SPATA6: variants seen among roughly 807,000 people sequenced by gnomAD.
SPATA6 encodes the protein spermatogenesis associated 6.
SPATA6 carries 56 observed loss-of-function variants against 65.3 expected under a neutral mutation model. That is an observed-to-expected ratio of 0.86 (90% confidence interval 0.69 to 1.07). The LOEUF (loss-of-function observed/expected upper bound fraction) is 1.07, where lower values mean the gene tolerates loss of function less well. Among genes scored for constraint, SPATA6 ranks in the 50% least tolerant of loss-of-function variants. The probability of loss-of-function intolerance (pLI) is 0.00; values close to 1 mark genes in which losing one functional copy is unlikely to be tolerated. For synonymous variants in SPATA6, 199 were observed against 213.2 expected (o/e 0.93, Z 0.58); for missense variants, 590 against 594.8 (o/e 0.99, Z 0.08).
intron 1 of SPATA6, among the ~76,000 whole-genome samples, chr1:48,465,925 ACTG>A (rs1323566371): frequency 6.6e-6 from 1 of 152,194 alleles, no homozygotes; most frequent in African/African-American, 2.4e-5. Context: ...TTGATTATCA[ACTG>A]CTATTATGTT....
chr1:48,314,502 A>C (rs1165719181), intron 11 of SPATA6, among the ~76,000 whole-genome samples: 1 of 152,232 alleles, frequency 6.6e-6, no homozygotes, highest in Non-Finnish European at 1.5e-5. Flanking sequence ...ATAAGAACAA[A>C]GACACAACAT....
At chr1:48,428,584 G>A (rs1248785827) in intron 3 of SPATA6, among the ~76,000 whole-genome samples, 3 of 152,124 alleles carry the variant, frequency 2.0e-5, no homozygotes, top group Admixed American at 6.6e-5. Flanking sequence ...TATTTATTAA[G>A]TGGAAATATG....
At chr1:48,313,993 A>G (rs940402418) in intron 11 of SPATA6, among the ~76,000 whole-genome samples, 3 of 152,252 alleles carry the variant, frequency 2.0e-5, no homozygotes, top group Non-Finnish European at 4.4e-5. Context: ...AGAGCTAACT[A>G]TCCTAAATAC....
chr1:48,421,353 T>A (rs1410394956), intron 3 of SPATA6, among the ~76,000 whole-genome samples: 1 of 151,302 alleles, frequency 6.6e-6, no homozygotes, highest in Non-Finnish European at 1.5e-5. Flanking sequence ...AAATAAAACT[T>A]GAAAAAAAAA....
chr1:48,277,003 G>A, the SPATA6 span, among the ~76,000 whole-genome samples: 28 of 151,338 alleles, frequency 1.9e-4, no homozygotes, highest in Non-Finnish European at 3.1e-4. Context: ...TATGAATCTC[G>A]GTGCTCCTTT....
chr1:48,385,753 G>T (rs1175783687), intron 8 of SPATA6, among the ~76,000 whole-genome samples: 1 of 152,140 alleles, frequency 6.6e-6, no homozygotes, highest in Non-Finnish European at 1.5e-5. Context: ...CTAGATTCAG[G>T]TGTAAAGAAA....
chr1:48,382,444 G>T (rs1461942129), intron 9 of SPATA6, among the ~76,000 whole-genome samples: 9 of 140,066 alleles, frequency 6.4e-5, no homozygotes, highest in Non-Finnish European at 1.2e-4. Context: ...TGGATAGGGC[G>T]GCTGGCTGGG....
In SPATA6 at chr1:48,347,236, AT is replaced by A. The variant is rs553829398; in HGVS notation, c.1194+8433del. 1.9e-3 allele frequency among the ~76,000 whole-genome samples: 292 copies of A among 152,004 alleles called. 3 individuals carry two copies. The highest frequency in any genetic ancestry group is 6.7e-3 in the African/African-American group (278 of 41,480). On this transcript the variant is annotated intron_variant, in intron 11 of 12. Transcript: ENST00000371847. Reference sequence around the variant, plus strand: ...GGGGAAGGGATTCACTATTCAATAAATGGTGCTGCGATGACTGGCAAGCCAA... The same window carrying A: ...GGGGAAGGGATTCACTATTCAATAAAGGTGCTGCGATGACTGGCAAGCCAA...
chr1:48,428,445 C>T (rs898944748), intron 3 of SPATA6, among the ~76,000 whole-genome samples: 1 of 152,124 alleles, frequency 6.6e-6, no homozygotes, highest in African/African-American at 2.4e-5. Flanking sequence ...AAGAGCGAAA[C>T]TCCGTCTCTA....
intron 9 of SPATA6, among the ~76,000 whole-genome samples, chr1:48,377,649 A>G (rs566891643): frequency 7.2e-5 from 11 of 152,304 alleles, no homozygotes; most frequent in African/African-American, 2.4e-4. Flanking sequence ...CTTCACTACC[A>G]TGAAATACCC....
intron 3 of SPATA6, among the ~76,000 whole-genome samples, chr1:48,449,211 A>G (rs72679342): frequency 1.3e-5 from 2 of 152,316 alleles, no homozygotes; most frequent in Non-Finnish European, 2.9e-5. Context: ...GAAAAATAGT[A>G]ATGTGCAACC....
chr1:48,312,577 T>A (rs12739248), intron 11 of SPATA6, among the ~76,000 whole-genome samples: 17,183 of 152,148 alleles, frequency 0.11, 1,200 homozygotes, highest in Non-Finnish European at 0.16. Context: ...CAAAGGCAGA[T>A]ACAACCACAA....
chr1:48,402,233 G>C (rs1484158312), intron 6 of SPATA6, among the ~76,000 whole-genome samples: 1 of 152,104 alleles, frequency 6.6e-6, no homozygotes, highest in Admixed American at 6.6e-5. Flanking sequence ...ATTAAACTAT[G>C]AATGGGTAAT....
intron 11 of SPATA6, among the ~76,000 whole-genome samples, chr1:48,352,321 G>A (rs1646534151): frequency 6.6e-6 from 1 of 152,018 alleles, no homozygotes; most frequent in African/African-American, 2.4e-5. Context: ...GATGAGACTT[G>A]AGTGGGCACA....
At chr1:48,391,493 G>A (rs569778613) in intron 8 of SPATA6, among the ~76,000 whole-genome samples, 3 of 152,198 alleles carry the variant, frequency 2.0e-5, no homozygotes, top group East Asian at 1.9e-4. Context: ...TAAAGCACTC[G>A]TATGGCTTCT....
chr1:48,386,549 A>T (rs1649488220), intron 8 of SPATA6, among the ~76,000 whole-genome samples: 1 of 152,246 alleles, frequency 6.6e-6, no homozygotes, highest in African/African-American at 2.4e-5. Context: ...ATTGGCAGAC[A>T]ACACCTAAAG....
chr1:48,468,758 C>G (rs751581927), intron 1 of SPATA6, among the ~76,000 whole-genome samples: 1 of 151,942 alleles, frequency 6.6e-6, no homozygotes, highest in Non-Finnish European at 1.5e-5. Context: ...CTACAAAGAC[C>G]TATCAATCAA....
At chr1:48,284,772 CAA>C in the SPATA6 span, among the ~76,000 whole-genome samples, 1 of 152,164 alleles carries the variant, frequency 6.6e-6, no homozygotes, top group Non-Finnish European at 1.5e-5. Context: ...TGCAGAACAG[CAA>C]AGATTGCTCC....
At chr1:48,355,525 G>A (rs1237078743) in intron 11 of SPATA6, 145 bp downstream of exon 11, 3 of 576,010 alleles carry the variant, frequency 5.2e-6, no homozygotes, top group Admixed American at 3.3e-5. Flanking sequence ...TGTTGCCTTG[G>A]GCAAAACCAC....
Sources: gnomAD v4.1 joint callset for allele counts (sites outside exome capture counted in the v4.1 genomes callset) on GRCh38, gnomAD v4.1.1 for gene constraint, MANE v1.5 for transcripts, NCBI Gene and HGNC (gene_info 2026-07-23, HGNC 2026-07-21) for gene names.